ADGRB3: variants seen among roughly 807,000 people sequenced by gnomAD.
The protein encoded by ADGRB3 is adhesion G protein-coupled receptor B3.
In ADGRB3, 37 loss-of-function variants were observed where a neutral mutation model predicts 193.4. The observed-to-expected ratio is 0.19, with a 90% confidence interval of 0.15 to 0.25. The LOEUF (loss-of-function observed/expected upper bound fraction) is 0.25. ADGRB3 is among the 10% of genes least tolerant of loss of function. The probability of loss-of-function intolerance (pLI) is 1.00; values close to 1 mark genes in which losing one functional copy is unlikely to be tolerated. For synonymous variants in ADGRB3, 690 were observed against 644.2 expected, an observed-to-expected ratio of 1.07 and a Z score of -1.08; for missense variants, 1,637 against 1,852.9, an observed-to-expected ratio of 0.88 and a Z score of 2.14.
chr6:68,933,978 T>G (rs879727665), intron 4 of ADGRB3, among the ~76,000 whole-genome samples: 2 of 152,210 alleles, frequency 1.3e-5, no homozygotes, highest in Non-Finnish European at 2.9e-5. Context: ...TTTACTATTT[T>G]AATGTCATTG....
chr6:68,746,228 A>C (rs1458118387), intron 3 of ADGRB3, among the ~76,000 whole-genome samples: 1 of 151,988 alleles, frequency 6.6e-6, no homozygotes, highest in East Asian at 1.9e-4. Flanking sequence ...TGTAATTTTT[A>C]ATATATCACA....
intron 17 of ADGRB3, among the ~76,000 whole-genome samples, chr6:69,110,325 T>C (rs1773334647): frequency 6.6e-6 from 1 of 152,170 alleles, no homozygotes; most frequent in Non-Finnish European, 1.5e-5. Flanking sequence ...AATTAAAATA[T>C]TCCATGTGCT....
intron 17 of ADGRB3, among the ~76,000 whole-genome samples, chr6:69,199,442 A>G (rs2150357377): frequency 6.6e-6 from 1 of 152,250 alleles, no homozygotes; most frequent in African/African-American, 2.4e-5. Context: ...TAAATGAGAT[A>G]ACTCATTTAA....
intron 6 of ADGRB3, among the ~76,000 whole-genome samples, chr6:68,953,126 C>T (rs1767977957): frequency 1.3e-5 from 2 of 152,094 alleles, no homozygotes; most frequent in Admixed American, 6.6e-5. Flanking sequence ...ATTATCTTCT[C>T]TCTGATTTCG....
intron 3 of ADGRB3, among the ~76,000 whole-genome samples, chr6:68,839,205 G>C (rs1384166651): frequency 6.6e-6 from 1 of 152,014 alleles, no homozygotes; most frequent in Non-Finnish European, 1.5e-5. Flanking sequence ...TAGAAATGCA[G>C]ATATCTTTTC....
At chr6:69,178,678 CA>C (rs1460809694) in intron 17 of ADGRB3, among the ~76,000 whole-genome samples, 2 of 152,012 alleles carry the variant, frequency 1.3e-5, no homozygotes, top group African/African-American at 4.8e-5. Flanking sequence ...TTGTTTGCCT[CA>C]AAAAAATTTG....
chr6:69,051,934 G>T (rs1433706410), intron 15 of ADGRB3, among the ~76,000 whole-genome samples: 1 of 151,896 alleles, frequency 6.6e-6, no homozygotes, highest in East Asian at 1.9e-4. Context: ...TCGCTCTGTT[G>T]CCCAGGCTGG....
chr6:69,347,673 T>C (rs541380765), intron 26 of ADGRB3, among the ~76,000 whole-genome samples: 13 of 151,996 alleles, frequency 8.6e-5, no homozygotes, highest in Non-Finnish European at 1.8e-4. Flanking sequence ...TATTACCAGC[T>C]ATTCAGGAGG....
intron 3 of ADGRB3, among the ~76,000 whole-genome samples, chr6:68,763,838 C>T (rs567304100): frequency 1.4e-4 from 21 of 152,140 alleles, no homozygotes; most frequent in South Asian, 8.3e-4. Flanking sequence ...TTTGGGAGGC[C>T]GAGGCAGGCT....
chr6:68,778,250 T>C (rs993633413), intron 3 of ADGRB3, among the ~76,000 whole-genome samples: 2 of 152,086 alleles, frequency 1.3e-5, no homozygotes, highest in African/African-American at 4.8e-5. Context: ...GTCTAGTACA[T>C]GGTGAAGGCT....
chr6:68,913,372 A>G (rs1265745452), intron 3 of ADGRB3, among the ~76,000 whole-genome samples: 17 of 152,196 alleles, frequency 1.1e-4, no homozygotes, highest in Admixed American at 1.1e-3. Context: ...TAAGACAGCA[A>G]CATTCGTGGT....
chr6:69,263,310 A>T (rs553238783), intron 20 of ADGRB3, among the ~76,000 whole-genome samples: 1 of 152,170 alleles, frequency 6.6e-6, no homozygotes, highest in South Asian at 2.1e-4. Context: ...ACTATATTTC[A>T]GATATATAAT....
chr6:68,816,548 C>G (rs919419907), intron 3 of ADGRB3, among the ~76,000 whole-genome samples: 1 of 151,842 alleles, frequency 6.6e-6, no homozygotes, highest in African/African-American at 2.4e-5. Flanking sequence ...ATTTATCTTT[C>G]TCTAAATGCC....
At chr6:69,181,814 T>C (rs567308335) in intron 17 of ADGRB3, among the ~76,000 whole-genome samples, 53 of 152,320 alleles carry the variant, frequency 3.5e-4, no homozygotes, top group African/African-American at 1.3e-3. Context: ...CTATTTTACT[T>C]ACCTTATTTC....
At chr6:68,639,772 C>G (rs1347644839) in intron 3 of ADGRB3, among the ~76,000 whole-genome samples, 1 of 152,044 alleles carries the variant, frequency 6.6e-6, no homozygotes, top group Non-Finnish European at 1.5e-5. Flanking sequence ...TGGTGACACA[C>G]ACACGCCCCA....
At chr6:68,872,760 G>A (rs1349004776) in intron 3 of ADGRB3, among the ~76,000 whole-genome samples, 1 of 152,200 alleles carries the variant, frequency 6.6e-6, no homozygotes, top group Non-Finnish European at 1.5e-5. Flanking sequence ...GCCTTTAAAT[G>A]TAACCCTAAA....
intron 15 of ADGRB3, among the ~76,000 whole-genome samples, chr6:69,061,872 T>A (rs1344749757): frequency 1.3e-5 from 1 of 79,042 alleles, no homozygotes; most frequent in Non-Finnish European, 3.1e-5. Flanking sequence ...TAAGGGATTG[T>A]TTGTCTATGT....
At chr6:69,217,146 T>C (rs1434879795) in intron 17 of ADGRB3, among the ~76,000 whole-genome samples, 1 of 152,088 alleles carries the variant, frequency 6.6e-6, no homozygotes. Context: ...GAGTCCTGAG[T>C]GGGTGGCGCA....
At chr6:69,206,536 TAAG>T (rs1765545113) in intron 17 of ADGRB3, among the ~76,000 whole-genome samples, 1 of 152,128 alleles carries the variant, frequency 6.6e-6, no homozygotes, top group African/African-American at 2.4e-5. Flanking sequence ...AAGAGAATAA[TAAG>T]GTCATAATTA....
Sources: allele counts gnomAD v4.1 joint callset (sites outside exome capture counted in the v4.1 genomes callset), GRCh38; gene constraint gnomAD v4.1.1; transcripts MANE v1.5; gene names NCBI Gene and HGNC (gene_info 2026-07-23, HGNC 2026-07-21).